The following FGF12 variants were observed in gnomAD, a reference collection of about 807,000 sequenced individuals.
FGF12 encodes fibroblast growth factor 12B.
In FGF12, 14 loss-of-function variants were observed where a neutral mutation model predicts 23.6. The ratio of observed to expected loss-of-function variants is 0.59; its 90% CI spans 0.39 to 0.93. The LOEUF (loss-of-function observed/expected upper bound fraction) is 0.93, where lower values mean the gene tolerates loss of function less well. Among genes scored for constraint, FGF12 ranks in the 40% least tolerant of loss-of-function variants. The pLI is 0.00. For missense variants in FGF12, 175 were observed against 217.8 expected (o/e 0.80, Z 1.24); for synonymous variants, 62 against 77.3 (o/e 0.80, Z 1.04).
At chr3:192,469,508 T>C (rs1228458767) in intron 2 of FGF12, among the ~76,000 whole-genome samples, 1 of 152,142 alleles carries the variant, frequency 6.6e-6, no homozygotes, top group African/African-American at 2.4e-5. Flanking sequence ...CAGAGGACAA[T>C]CAATAGCAGA....
chr3:192,461,915 G>T (rs570161858), intron 2 of FGF12, among the ~76,000 whole-genome samples: 1 of 151,864 alleles, frequency 6.6e-6, no homozygotes, highest in Non-Finnish European at 1.5e-5. Flanking sequence ...GCTTGAACCC[G>T]GGAGGTGGAG....
chr3:192,262,958 T>G (rs1168973829), intron 4 of FGF12, among the ~76,000 whole-genome samples: 1 of 152,030 alleles, frequency 6.6e-6, no homozygotes, highest in East Asian at 1.9e-4. Flanking sequence ...GTAAGAAATC[T>G]CTCTAACAAA....
chr3:192,205,868 C>T (rs1174805928), intron 4 of FGF12, among the ~76,000 whole-genome samples: 7 of 152,100 alleles, frequency 4.6e-5, no homozygotes, highest in Non-Finnish European at 2.9e-5. Flanking sequence ...CAGAAGAAGA[C>T]CTCTGGATTC....
chr3:192,586,825 A>G (rs1713391768), intron 2 of FGF12, among the ~76,000 whole-genome samples: 1 of 152,122 alleles, frequency 6.6e-6, no homozygotes, highest in Non-Finnish European at 1.5e-5. Flanking sequence ...ACTAGACCAC[A>G]CTCATTTTTA....
intron 2 of FGF12, among the ~76,000 whole-genome samples, chr3:192,426,818 T>C (rs1214432498): frequency 6.6e-6 from 1 of 152,220 alleles, no homozygotes; most frequent in Admixed American, 6.5e-5. Flanking sequence ...TAGAAGAGTA[T>C]TTGACTTGTA....
In FGF12 at chr3:192,494,859, T is replaced by TAA. The variant is rs1485877565; in HGVS notation, c.14-134323_14-134322dup. ...GCCTATGCATATATATATATATATA[T>TAA]AAAATACATTTTTCTTTTTGAGATG... On this transcript the variant is annotated intron_variant, in intron 2 of 5. Transcript: ENST00000445105. Among the ~76,000 whole-genome samples the TAA allele has an allele frequency of 2.9e-4, 38 of 130,500 alleles. 1 individual carries two copies. The highest frequency in any genetic ancestry group is 8.3e-4 in the African/African-American group (30 of 35,934). The allele number at this position is 130,500 out of a possible 152,430, so 85.6% of individuals were successfully genotyped here.
At chr3:192,252,522 A>G (rs1712101648) in intron 4 of FGF12, among the ~76,000 whole-genome samples, 1 of 150,918 alleles carries the variant, frequency 6.6e-6, no homozygotes, top group Non-Finnish European at 1.5e-5. Flanking sequence ...AAGAGAAGAC[A>G]AGAAAAGACA....
At chr3:192,421,612 T>C (rs1721529042) in intron 2 of FGF12, among the ~76,000 whole-genome samples, 1 of 151,592 alleles carries the variant, frequency 6.6e-6, no homozygotes, top group Non-Finnish European at 1.5e-5. Flanking sequence ...TGAGTGGGAG[T>C]TGAACAATAA....
chr3:192,440,308 G>A (rs1273641940), intron 2 of FGF12, among the ~76,000 whole-genome samples: 2 of 152,166 alleles, frequency 1.3e-5, no homozygotes, highest in Admixed American at 1.3e-4. Context: ...CACTCTGACT[G>A]TGGTCTGGGA....
At chr3:192,655,740 TAGA>T (rs575586639) in intron 2 of FGF12, among the ~76,000 whole-genome samples, 6 of 152,096 alleles carry the variant, frequency 3.9e-5, no homozygotes, top group African/African-American at 7.2e-5. Context: ...TAATATGGCC[TAGA>T]AGAAGAAGAT....
chr3:192,246,764 G>T (rs915988481), intron 4 of FGF12, among the ~76,000 whole-genome samples: 3 of 149,640 alleles, frequency 2.0e-5, no homozygotes, highest in African/African-American at 7.4e-5. Flanking sequence ...AGCAGAGATT[G>T]CAGTGAGCCA....
intron 4 of FGF12, among the ~76,000 whole-genome samples, chr3:192,190,013 G>A (rs1577218577): frequency 6.6e-6 from 1 of 152,098 alleles, no homozygotes; most frequent in East Asian, 1.9e-4. Flanking sequence ...ACTTTTTAAT[G>A]GATCAGGACA....
At chr3:192,315,349 C>T (rs1265420571) in intron 4 of FGF12, among the ~76,000 whole-genome samples, 2 of 152,174 alleles carry the variant, frequency 1.3e-5, no homozygotes, top group Admixed American at 6.5e-5. Context: ...ATAAGAATGA[C>T]TTGTTTCTGC....
intron 4 of FGF12, among the ~76,000 whole-genome samples, chr3:192,286,089 G>A (rs939857728): frequency 1.3e-5 from 2 of 151,930 alleles, no homozygotes; most frequent in Admixed American, 6.6e-5. Flanking sequence ...ATTCCAATAA[G>A]GAGGTGATAA....
chr3:192,145,585 A>T (rs1455870601), intron 5 of FGF12, among the ~76,000 whole-genome samples: 1 of 152,174 alleles, frequency 6.6e-6, no homozygotes, highest in Non-Finnish European at 1.5e-5. Context: ...CCCAGACTAC[A>T]CTCTGAGTAG....
chr3:192,311,524 C>T (rs548592426), intron 4 of FGF12, among the ~76,000 whole-genome samples: 1 of 152,130 alleles, frequency 6.6e-6, no homozygotes, highest in South Asian at 2.1e-4. Flanking sequence ...ATATACCAAA[C>T]TTTATTTATC....
chr3:192,475,536 G>C (rs1236968622), intron 2 of FGF12, among the ~76,000 whole-genome samples: 1 of 152,170 alleles, frequency 6.6e-6, no homozygotes, highest in East Asian at 1.9e-4. Flanking sequence ...AATAAATACA[G>C]AAAATACAAG....
chr3:192,337,433 T>C (rs965051093), intron 3 of FGF12, among the ~76,000 whole-genome samples: 3 of 152,062 alleles, frequency 2.0e-5, no homozygotes, highest in Admixed American at 2.0e-4. Context: ...ATTTGATTTA[T>C]ATTGGGGGGA....
intron 2 of FGF12, among the ~76,000 whole-genome samples, chr3:192,379,618 C>A (rs777688410): frequency 7.9e-5 from 12 of 152,212 alleles, no homozygotes; most frequent in Non-Finnish European, 1.3e-4. Flanking sequence ...TTCACATATA[C>A]GCGTGCACAC....
Sources: allele counts gnomAD v4.1 joint callset (sites outside exome capture counted in the v4.1 genomes callset), GRCh38; gene constraint gnomAD v4.1.1; transcripts MANE v1.5; gene names NCBI Gene and HGNC (gene_info 2026-07-23, HGNC 2026-07-21).